The following SEC23A variants were observed in gnomAD, a reference collection of about 807,000 sequenced individuals.
The protein encoded by SEC23A is SEC23 homolog A, COPII component.
Under a neutral mutation model 103.7 loss-of-function variants are expected in SEC23A, and 56 were observed. The ratio of observed to expected loss-of-function variants is 0.54; its 90% CI spans 0.44 to 0.67. SEC23A has a LOEUF of 0.67. SEC23A is among the 30% of genes least tolerant of loss of function. The pLI is 0.00. For synonymous variants in SEC23A, 281 were observed against 293.0 expected (o/e 0.96, Z 0.42); for missense variants, 784 against 936.4 (o/e 0.84, Z 2.12).
At chr14:39,075,666 A>G (rs1886988613) in intron 8 of SEC23A, among the ~76,000 whole-genome samples, 1 of 152,236 alleles carries the variant, frequency 6.6e-6, no homozygotes, top group Non-Finnish European at 1.5e-5. Flanking sequence ...TTTAACATGA[A>G]TATTTAAAAA....
rs1336106106 is a variant in SEC23A at position 39,059,527 on chromosome 14, T to A, written c.1505+2238A>T. 2.6e-5 allele frequency among the ~76,000 whole-genome samples: 4 copies of A among 152,044 alleles called. No individual in the cohort carries two copies. The East Asian group carries it at 7.7e-4, about 29-fold the overall frequency. ...GAAAGAGTCACCTAACCTTTTAAAA[T>A]TTTCATTTTAAAAATATTTCAAACA... On this transcript the variant is annotated intron_variant, in intron 13 of 19. Transcript: ENST00000307712.
chr14:39,035,626 A>G (rs1222899951), intron 19 of SEC23A, among the ~76,000 whole-genome samples: 1 of 152,142 alleles, frequency 6.6e-6, no homozygotes, highest in Non-Finnish European at 1.5e-5. Context: ...TGGACCTGGG[A>G]TTCAATTTAT....
chr14:39,081,064 T>C (rs913969155), intron 7 of SEC23A, among the ~76,000 whole-genome samples: 3 of 152,094 alleles, frequency 2.0e-5, no homozygotes, highest in East Asian at 1.9e-4. Flanking sequence ...TAGCTGGGCA[T>C]AGTGGCATGG....
Position 39,055,244 on chromosome 14 carries a change from C to G in SEC23A, c.1558G>C (p.Glu520Gln). The G allele has an allele frequency of 6.2e-7, 1 of 1,614,186 alleles. No homozygotes were observed. The highest frequency in any genetic ancestry group is 8.5e-7 in the Non-Finnish European group (1 of 1,180,036). The change falls in exon 14 of 20, where the codon GAG becomes CAG. Residue 520 changes from glutamate to glutamine, a missense_variant. Glu to Gln is a conservative substitution (Grantham distance 29, BLOSUM62 2). Transcript: ENST00000307712. ...CGGGCCATAAGAATGGCAGCTGCCT[C>G]CTGGTCAAAAGATGCAGCAATGTTT... ...IQNIAASFDQ[E>Q]AAAILMARLA...
intron 13 of SEC23A, among the ~76,000 whole-genome samples, chr14:39,059,977 G>A (rs1428280478): frequency 6.6e-6 from 1 of 152,016 alleles, no homozygotes; most frequent in Non-Finnish European, 1.5e-5. Flanking sequence ...GACTTTCTTT[G>A]TCTTCCAAGA....
chr14:39,057,523 C>A (rs1054984074), intron 13 of SEC23A, among the ~76,000 whole-genome samples: 3 of 152,050 alleles, frequency 2.0e-5, no homozygotes, highest in African/African-American at 7.2e-5. Context: ...GACCACCATG[C>A]CCAGCCAATT....
chr14:39,085,369 C>A (rs1887397491), intron 7 of SEC23A, among the ~76,000 whole-genome samples: 1 of 152,096 alleles, frequency 6.6e-6, no homozygotes, highest in South Asian at 2.1e-4. Context: ...GTGAGCCATT[C>A]TAGCAAATTA....
At chr14:39,059,465 C>A (rs948267315) in intron 13 of SEC23A, among the ~76,000 whole-genome samples, 1 of 151,922 alleles carries the variant, frequency 6.6e-6, no homozygotes, top group African/African-American at 2.4e-5. Context: ...AATATATAAG[C>A]CCATAATATT....
intron 14 of SEC23A, among the ~76,000 whole-genome samples, chr14:39,051,836 C>A (rs569817944): frequency 6.6e-6 from 1 of 152,082 alleles, no homozygotes; most frequent in South Asian, 2.1e-4. Flanking sequence ...GGTGTGGTGG[C>A]ACACACCTGT....
intron 14 of SEC23A, among the ~76,000 whole-genome samples, chr14:39,054,823 T>TA (rs1367443377): frequency 6.6e-6 from 1 of 152,108 alleles, no homozygotes; most frequent in East Asian, 1.9e-4. Context: ...AAGAAATATG[T>TA]AAAAAAGCAC....
intron 7 of SEC23A, among the ~76,000 whole-genome samples, chr14:39,084,470 C>T (rs1023364690): frequency 6.6e-6 from 1 of 152,166 alleles, no homozygotes; most frequent in Admixed American, 6.5e-5. Flanking sequence ...AAACAATACA[C>T]AAGACAATAT....
intron 10 of SEC23A, among the ~76,000 whole-genome samples, chr14:39,065,997 CAAAAAAAAAAAAAAAAAAA>C (rs59260008): frequency 5.0e-5 from 4 of 80,554 alleles, no homozygotes; most frequent in South Asian, 8.8e-4. Context: ...AACTCCATCT[CAAAAAAAAAAAAAAAAAAA>C]AAAAAAAAAA....
At chr14:39,039,743 A>C (rs546103249) in intron 18 of SEC23A, 11 of 152,580 alleles carry the variant, frequency 7.2e-5, no homozygotes, top group African/African-American at 2.2e-4. Flanking sequence ...AGTTTAACCT[A>C]ACAGTGAAGA....
rs370741875 is a variant in SEC23A at position 39,074,659 on chromosome 14, C to T, written c.988-129G>A. ...ATTTAAATTATGATTAGTTATTTAACTTTCTGTAATGTTAATAAAATTATA... is the reference window on the plus strand; with the variant it reads ...ATTTAAATTATGATTAGTTATTTAATTTTCTGTAATGTTAATAAAATTATA... On this transcript the variant is annotated intron_variant, in intron 8 of 19. Transcript: ENST00000307712. 1.2e-4 allele frequency: 78 copies of T among 638,770 alleles called. 1 individual carries two copies. In the South Asian group the frequency reaches 1.4e-3, roughly 11 times the overall value. The allele number at this position is 638,770 out of a possible 1,614,324, so 39.6% of individuals were successfully genotyped here.
chr14:39,079,336 G>A (rs576245331), intron 7 of SEC23A, among the ~76,000 whole-genome samples: 4 of 152,224 alleles, frequency 2.6e-5, no homozygotes, highest in East Asian at 1.9e-4. Flanking sequence ...TTTTACATAT[G>A]AAAGTATCCT....
intron 2 of SEC23A, among the ~76,000 whole-genome samples, chr14:39,095,298 CTT>C (rs111385262): frequency 7.0e-5 from 10 of 143,712 alleles, no homozygotes; most frequent in Non-Finnish European, 7.7e-5. Context: ...TCAATCACAA[CTT>C]TTTTTTTTTT....
intron 14 of SEC23A, among the ~76,000 whole-genome samples, chr14:39,054,737 G>C (rs1488703188): frequency 1.3e-5 from 2 of 151,970 alleles, no homozygotes; most frequent in African/African-American, 4.8e-5. Flanking sequence ...CACCATTCCT[G>C]GCCTAATTTC....
rs10129762 is a variant in SEC23A, at chr14:39,048,931, T to C, written c.1660-202A>G. ...CTAAATTTCAGAAACAAACACCACA[T>C]TGTCCCAATGTAATTAATAACTCAC... On this transcript the variant is annotated intron_variant, in intron 14 of 19. Transcript: ENST00000307712. Among the ~76,000 whole-genome samples, 14,818 of 152,120 alleles carry C rather than the reference T, an allele frequency of 0.097. 940 individuals carry two copies. The highest frequency in any genetic ancestry group is 0.31 in the East Asian group (1,620 of 5,174).
chr14:39,034,947 A>C (rs1885413038), intron 19 of SEC23A, among the ~76,000 whole-genome samples: 1 of 152,152 alleles, frequency 6.6e-6, no homozygotes, highest in Non-Finnish European at 1.5e-5. Context: ...TCTGACCCCC[A>C]AAAAATCCTG....
Sources: allele counts gnomAD v4.1 joint callset (sites outside exome capture counted in the v4.1 genomes callset), GRCh38; gene constraint gnomAD v4.1.1; transcripts MANE v1.5; gene names NCBI Gene and HGNC (gene_info 2026-07-23, HGNC 2026-07-21).